TTC7B: variants seen among roughly 807,000 people sequenced by gnomAD.
TTC7B encodes tetratricopeptide repeat domain 7B, also known as tetratricopeptide repeat protein 7B.
TTC7B carries 28 observed loss-of-function variants against 106.8 expected under a neutral mutation model. The observed-to-expected ratio is 0.26, with a 90% CI of 0.19 to 0.36. The LOEUF (loss-of-function observed/expected upper bound fraction) is 0.36. Ranked by LOEUF, TTC7B falls within the 10% of genes least tolerant of loss-of-function variation. The pLI, the probability that TTC7B is intolerant of heterozygous loss-of-function variation, is 1.00. For missense variants in TTC7B, 862 were observed against 1,076.4 expected, an observed-to-expected ratio of 0.80 and a Z score of 2.79; for synonymous variants, 405 against 430.6, an observed-to-expected ratio of 0.94 and a Z score of 0.74.
Position 90,536,033 on chromosome 14 carries a change from T to G in TTC7B, c.*5335A>C, listed in dbSNP as rs557787663. On this transcript the variant is annotated 3_prime_UTR_variant, in exon 20 of 20. Coordinates refer to ENST00000328459, the MANE Select transcript of TTC7B (RefSeq NM_001010854.2). ...AATATAGTCACACAGGGGCGGGGGC[T>G]CCACCCTATGAATCTGGGGGAGCAA... 1 of 154,146 alleles carries G rather than the reference T, an allele frequency of 6.5e-6. No individual in the cohort carries two copies. The highest frequency in any genetic ancestry group is 2.1e-4 in the South Asian group (1 of 4,842). 9.5% of individuals were successfully genotyped at this position (154,146 alleles called of 1,614,324 possible).
chr14:90,545,918 TC>T (rs140897321), intron 19 of TTC7B, among the ~76,000 whole-genome samples: 2,349 of 152,250 alleles, frequency 0.015, 63 homozygotes, highest in African/African-American at 0.054. Flanking sequence ...GGACTTGTAG[TC>T]CTAACGTAGG....
intron 15 of TTC7B, among the ~76,000 whole-genome samples, chr14:90,634,169 G>T (rs1056960598): frequency 6.6e-6 from 1 of 152,062 alleles, no homozygotes; most frequent in Non-Finnish European, 1.5e-5. Context: ...GAGCCACCGC[G>T]CCTGGCCCAT....
At chr14:90,638,437 A>C (rs1188584965) in intron 15 of TTC7B, among the ~76,000 whole-genome samples, 6 of 152,230 alleles carry the variant, frequency 3.9e-5, no homozygotes, top group Non-Finnish European at 8.8e-5. Flanking sequence ...CCTTCGCAAC[A>C]AGTACATAGT....
intron 3 of TTC7B, among the ~76,000 whole-genome samples, chr14:90,776,966 T>C (rs1021792603): frequency 6.6e-6 from 1 of 152,202 alleles, no homozygotes; most frequent in Admixed American, 6.5e-5. Flanking sequence ...CTGGGCATGG[T>C]GGCTCATGCC....
At position 90,683,126 on chromosome 14, in the gene TTC7B, G is replaced by A. The variant is rs73328837; in HGVS notation, c.951-2591C>T. 3.3e-3 allele frequency among the ~76,000 whole-genome samples: 503 copies of A among 152,218 alleles called. 5 individuals carry two copies. Among genetic ancestry groups the A allele is most frequent in the African/African-American group, 0.011 (452 of 41,530 alleles). On this transcript the variant is annotated intron_variant, in intron 7 of 19. Transcript: ENST00000328459. ...TACCCAACTGCATTTCATCTCTTCT[G>A]TCATCGTTAGCCATTATATAACTAA...
intron 7 of TTC7B, among the ~76,000 whole-genome samples, chr14:90,680,927 C>G (rs1887026109): frequency 6.6e-6 from 1 of 152,180 alleles, no homozygotes; most frequent in Non-Finnish European, 1.5e-5. Flanking sequence ...CTCTTACCTG[C>G]TAACTGGCAT....
chr14:90,588,731 G>T (rs1464995197), intron 18 of TTC7B, among the ~76,000 whole-genome samples: 1 of 152,144 alleles, frequency 6.6e-6, no homozygotes, highest in Non-Finnish European at 1.5e-5. Context: ...TTACAGAATA[G>T]TATATAGACA....
chr14:90,651,086 A>G (rs1373400700), intron 13 of TTC7B, among the ~76,000 whole-genome samples: 1 of 152,242 alleles, frequency 6.6e-6, no homozygotes, highest in Non-Finnish European at 1.5e-5. Context: ...TATTTAAAAC[A>G]AATAGTAGAG....
intron 19 of TTC7B, among the ~76,000 whole-genome samples, chr14:90,548,735 T>C (rs1471329341): frequency 1.3e-5 from 2 of 152,200 alleles, no homozygotes; most frequent in Non-Finnish European, 2.9e-5. Flanking sequence ...GAGAGCAGCA[T>C]ACTGTTTAAA....
In TTC7B at chr14:90,693,363, T is replaced by C. The variant is rs1282926557; in HGVS notation, c.777+2137A>G. Reference sequence around the variant, plus strand: ...AATTCAAGTCAACAGGAGAGTCAAATTGCTAACCAACCAGTTAATTTAACT... The same window carrying C: ...AATTCAAGTCAACAGGAGAGTCAAACTGCTAACCAACCAGTTAATTTAACT... On this transcript the variant is annotated intron_variant, in intron 6 of 19. Coordinates refer to ENST00000328459, the MANE Select transcript of TTC7B (RefSeq NM_001010854.2). 2.0e-5 allele frequency among the ~76,000 whole-genome samples: 3 copies of C among 152,172 alleles called. No individual in the cohort carries two copies. In the East Asian group the frequency reaches 5.8e-4, roughly 29 times the overall value.
At chr14:90,560,643 A>G (rs1890533502) in intron 19 of TTC7B, among the ~76,000 whole-genome samples, 1 of 152,232 alleles carries the variant, frequency 6.6e-6, no homozygotes, top group South Asian at 2.1e-4. Context: ...AAAAATGAGA[A>G]GGCTCTGTCT....
chr14:90,586,478 C>T (rs1476614258), intron 18 of TTC7B, among the ~76,000 whole-genome samples: 1 of 152,136 alleles, frequency 6.6e-6, no homozygotes, highest in Non-Finnish European at 1.5e-5. Context: ...CCATGTTGGC[C>T]AGGCTGGTCT....
chr14:90,653,170 G>A (rs573259481), intron 12 of TTC7B, among the ~76,000 whole-genome samples: 31 of 152,316 alleles, frequency 2.0e-4, no homozygotes, highest in African/African-American at 6.5e-4. Context: ...AGGCATATGG[G>A]GGCCATTTGC....
intron 17 of TTC7B, among the ~76,000 whole-genome samples, chr14:90,598,193 C>T (rs952927561): frequency 6.6e-6 from 1 of 152,224 alleles, no homozygotes; most frequent in Admixed American, 6.5e-5. Flanking sequence ...GCAAGACCCA[C>T]TGTACCAAGG....
intron 17 of TTC7B, among the ~76,000 whole-genome samples, chr14:90,596,769 A>G (rs554969260): frequency 1.9e-4 from 29 of 152,230 alleles, no homozygotes; most frequent in Non-Finnish European, 3.2e-4. Context: ...CTACGTCCTC[A>G]GGGTAGGGAT....
At position 90,578,055 on chromosome 14, in the gene TTC7B, AG is replaced by A; in HGVS notation, c.2310+50del. The A allele has an allele frequency of 3.2e-6, 5 of 1,559,582 alleles. No homozygotes were observed. Among genetic ancestry groups the A allele is most frequent in the Non-Finnish European group, 4.3e-6 (5 of 1,151,012 alleles). Reference sequence around the variant, plus strand: ...GGTCATGTGCTACCTGCCGCTTCCAAGGGCTGTCCCCATGCCAGAGTAGGGG... The same window carrying A: ...GGTCATGTGCTACCTGCCGCTTCCAAGGCTGTCCCCATGCCAGAGTAGGGG... On this transcript the variant is annotated intron_variant, in intron 19 of 19. Coordinates refer to ENST00000328459, the MANE Select transcript of TTC7B (RefSeq NM_001010854.2). The surrounding 1 kb of genome is among the most constrained non-coding windows in gnomAD (Gnocchi z 4.7).
intron 15 of TTC7B, among the ~76,000 whole-genome samples, chr14:90,629,071 G>A (rs1410216693): frequency 6.6e-6 from 1 of 152,264 alleles, no homozygotes; most frequent in Admixed American, 6.5e-5. Flanking sequence ...CTGGCTGAAA[G>A]CAGGCGCTCT....
At chr14:90,792,199 C>A (rs886306179) in intron 1 of TTC7B, among the ~76,000 whole-genome samples, 1 of 152,096 alleles carries the variant, frequency 6.6e-6, no homozygotes, top group Non-Finnish European at 1.5e-5. Context: ...GGATTCAGGG[C>A]CTTTGTGTTT....
intron 9 of TTC7B, among the ~76,000 whole-genome samples, chr14:90,667,052 G>A (rs1886438954): frequency 6.6e-6 from 1 of 152,176 alleles, no homozygotes; most frequent in African/African-American, 2.4e-5. Context: ...CTCCTCAATT[G>A]CCTCTCACCT....
Sources: allele counts gnomAD v4.1 joint callset (sites outside exome capture counted in the v4.1 genomes callset), GRCh38; gene constraint gnomAD v4.1.1; non-coding constraint Gnocchi (gnomAD v3.1); transcripts MANE v1.5; gene names NCBI Gene and HGNC (gene_info 2026-07-23, HGNC 2026-07-21).